The following ARHGAP42 variants were observed in gnomAD, a reference collection of about 807,000 sequenced individuals.
ARHGAP42 encodes Rho GTPase activating protein 42.
A neutral mutation model predicts 125.0 loss-of-function variants in ARHGAP42; 63 were observed. The ratio of observed to expected loss-of-function variants is 0.50; its 90% CI spans 0.41 to 0.62. ARHGAP42 has a LOEUF of 0.62. Among genes scored for constraint, ARHGAP42 ranks in the 20% least tolerant of loss-of-function variants. The pLI, the probability that ARHGAP42 is intolerant of heterozygous loss-of-function variation, is 0.00. For synonymous variants in ARHGAP42, 339 were observed against 351.0 expected, an observed-to-expected ratio of 0.97 and a Z score of 0.38; for missense variants, 766 against 1,024.2, an observed-to-expected ratio of 0.75 and a Z score of 3.44.
rs779395122 is a variant in ARHGAP42 at position 100,903,114 on chromosome 11, T to TGC, written c.385-10335_385-10334dup. Among the ~76,000 whole-genome samples, 177 of 31,874 alleles carry TGC rather than the reference T, an allele frequency of 5.6e-3. 2 individuals carry two copies. Among genetic ancestry groups the TGC allele is most frequent in the East Asian group, 0.024 (23 of 950 alleles). The allele number at this position is 31,874 out of a possible 152,430, so 20.9% of individuals were successfully genotyped here. On this transcript the variant is annotated intron_variant, in intron 4 of 23. Transcript: ENST00000298815. ...TATTCCTCAATCTTGCTGTCCAAGA[T>TGC]GCGCACACACACACACACACACACA...
chr11:100,966,076 C>T (rs1858086924), intron 17 of ARHGAP42, among the ~76,000 whole-genome samples: 2 of 151,704 alleles, frequency 1.3e-5, no homozygotes, highest in South Asian at 4.2e-4. Flanking sequence ...TTTTTTCCTC[C>T]CAATTCTTTT....
At chr11:100,972,329 A>G (rs1372408794) in intron 17 of ARHGAP42, among the ~76,000 whole-genome samples, 2 of 152,222 alleles carry the variant, frequency 1.3e-5, no homozygotes, top group Admixed American at 6.5e-5. Context: ...GAATGTATCT[A>G]ATTTCCAGAA....
intron 1 of ARHGAP42, among the ~76,000 whole-genome samples, chr11:100,762,171 G>A (rs568892580): frequency 7.6e-4 from 116 of 152,304 alleles, no homozygotes; most frequent in Non-Finnish European, 9.0e-4. Flanking sequence ...ACTGCAAAGC[G>A]GGATGCAGAC....
At chr11:100,858,981 T>G (rs1374891264) in intron 3 of ARHGAP42, among the ~76,000 whole-genome samples, 1 of 152,088 alleles carries the variant, frequency 6.6e-6, no homozygotes, top group Non-Finnish European at 1.5e-5. Context: ...AATCTCAATG[T>G]GGAATTTGGG....
At chr11:100,759,235 C>T (rs371863137) in intron 1 of ARHGAP42, among the ~76,000 whole-genome samples, 85 of 152,238 alleles carry the variant, frequency 5.6e-4, no homozygotes, top group East Asian at 3.9e-3. Context: ...CTCTCTGGCT[C>T]CTCACATCTC....
intron 18 of ARHGAP42, 128 bp downstream of exon 18, chr11:100,973,462 C>T: frequency 2.1e-6 from 2 of 973,330 alleles, no homozygotes; most frequent in Non-Finnish European, 3.0e-6. Context: ...AGTTTTCTTT[C>T]CTTGTTGTTT....
chr11:100,776,163 A>AC (rs1258592034), intron 2 of ARHGAP42, among the ~76,000 whole-genome samples: 3 of 150,636 alleles, frequency 2.0e-5, no homozygotes, highest in Non-Finnish European at 4.5e-5. Context: ...CCATTTCAAA[A>AC]AAAAAAAAAG....
chr11:100,861,676 T>A (rs2135143826), intron 4 of ARHGAP42, among the ~76,000 whole-genome samples: 1 of 152,320 alleles, frequency 6.6e-6, no homozygotes, highest in South Asian at 2.1e-4. Context: ...GTTGCATAAC[T>A]GGGTGGTTGT....
At chr11:100,869,064 A>G (rs943990408) in intron 4 of ARHGAP42, among the ~76,000 whole-genome samples, 1 of 152,054 alleles carries the variant, frequency 6.6e-6, no homozygotes, top group Non-Finnish European at 1.5e-5. Context: ...CACTTTATCA[A>G]TATTCAAAAA....
chr11:100,914,427 G>A (rs1867008849), intron 5 of ARHGAP42, among the ~76,000 whole-genome samples: 2 of 151,970 alleles, frequency 1.3e-5, no homozygotes, highest in Admixed American at 1.3e-4. Context: ...AAGGAATAAT[G>A]TAGTTCCAAT....
chr11:100,895,780 A>G (rs1866340221), intron 4 of ARHGAP42, among the ~76,000 whole-genome samples: 1 of 152,090 alleles, frequency 6.6e-6, no homozygotes, highest in African/African-American at 2.4e-5. Flanking sequence ...TGTGCCTATT[A>G]CAGGGTTCTA....
chr11:100,696,155 G>A (rs1861279278), intron 1 of ARHGAP42, among the ~76,000 whole-genome samples: 1 of 151,996 alleles, frequency 6.6e-6, no homozygotes, highest in African/African-American at 2.4e-5. Flanking sequence ...AGATCTGGAG[G>A]TTGAGGATGC....
At chr11:100,950,853 A>T (rs1184538333) in intron 12 of ARHGAP42, among the ~76,000 whole-genome samples, 3 of 151,968 alleles carry the variant, frequency 2.0e-5, no homozygotes, top group Non-Finnish European at 4.4e-5. Flanking sequence ...AAACTCAATA[A>T]CCCTGACATT....
intron 2 of ARHGAP42, among the ~76,000 whole-genome samples, chr11:100,780,076 A>T (rs1863267128): frequency 6.6e-6 from 1 of 151,974 alleles, no homozygotes; most frequent in African/African-American, 2.4e-5. Flanking sequence ...ATATTAAAAT[A>T]AATTTTAAAC....
chr11:100,894,451 A>T (rs485546), intron 4 of ARHGAP42, among the ~76,000 whole-genome samples: 120,744 of 151,770 alleles, frequency 0.8, 48,472 homozygotes, highest in East Asian at 1. Flanking sequence ...CAGCATTCAC[A>T]GAGTGCTGAA....
At chr11:100,760,185 CTA>C (rs1862669810) in intron 1 of ARHGAP42, among the ~76,000 whole-genome samples, 1 of 152,294 alleles carries the variant, frequency 6.6e-6, no homozygotes, top group South Asian at 2.1e-4. Context: ...GCATACCTCT[CTA>C]TTTGAAGACG....
chr11:100,948,145 T>TC (rs1868073243), intron 10 of ARHGAP42, among the ~76,000 whole-genome samples: 1 of 152,078 alleles, frequency 6.6e-6, no homozygotes, highest in South Asian at 2.1e-4. Flanking sequence ...TGTAACTTTT[T>TC]CATCCTTTTT....
chr11:100,795,066 A>C, intron 2 of ARHGAP42, 39 bp from the exon 3 acceptor site: 3 of 1,461,478 alleles, frequency 2.1e-6, no homozygotes, highest in Non-Finnish European at 2.8e-6. Flanking sequence ...TTAGCTATGA[A>C]AATATTAATT....
chr11:100,750,706 AGAATGAGTCAGGGCGGAGCAGGTAGTCG>A (rs569905359), intron 1 of ARHGAP42, among the ~76,000 whole-genome samples: 2,133 of 152,262 alleles, frequency 0.014, 42 homozygotes, highest in African/African-American at 0.046. Flanking sequence ...GTCAGGGTGG[AGAATGAGTCAGGGCGGAGCAGGTAGTCG>A]GAATGAGTCA....
Sources: allele counts gnomAD v4.1 joint callset (sites outside exome capture counted in the v4.1 genomes callset), GRCh38; gene constraint gnomAD v4.1.1; transcripts MANE v1.5; gene names NCBI Gene and HGNC (gene_info 2026-07-23, HGNC 2026-07-21).